GAK: variants seen among roughly 807,000 people sequenced by gnomAD.
The protein encoded by GAK is cyclin G associated kinase.
A neutral mutation model predicts 143.9 loss-of-function variants in GAK; 79 were observed. That is an observed-to-expected ratio of 0.55 (90% CI 0.46 to 0.66). GAK has a LOEUF of 0.66. Among genes scored for constraint, GAK ranks in the 30% least tolerant of loss-of-function variants. The pLI is 0.00. For missense variants in GAK, 1,693 were observed against 1,779.7 expected (o/e 0.95, Z 0.88); for synonymous variants, 881 against 765.5 (o/e 1.15, Z -2.49).
intron 4 of GAK, among the ~76,000 whole-genome samples, chr4:910,919 C>T (rs1258464445): frequency 6.6e-6 from 1 of 152,172 alleles, no homozygotes; most frequent in African/African-American, 2.4e-5. Flanking sequence ...AGGCACAGGT[C>T]TTGTTTCCCC....
At chr4:912,554 G>T (rs1722230224) in intron 3 of GAK, 181 bp downstream of exon 3, 1 of 531,962 alleles carries the variant, frequency 1.9e-6, no homozygotes, top group Non-Finnish European at 3.4e-6. Flanking sequence ...AAAAAAAACA[G>T]AAAAAACTGC....
At chr4:858,203 C>T (rs1577049761) in intron 24 of GAK, among the ~76,000 whole-genome samples, 1 of 152,372 alleles carries the variant, frequency 6.6e-6, no homozygotes, top group Non-Finnish European at 1.5e-5. Flanking sequence ...TACATCCTTG[C>T]AGCCTTCAGT....
At chr4:851,721 T>A in intron 25 of GAK, 29 bp downstream of exon 25, 4 of 1,602,076 alleles carry the variant, frequency 2.5e-6, no homozygotes, top group Non-Finnish European at 3.4e-6. Context: ...CTCTGCAAAC[T>A]CCACAGCAAC....
chr4:870,005 C>T (rs985603999), intron 19 of GAK: 230 of 142,566 alleles, frequency 1.6e-3, no homozygotes, highest in African/African-American at 5.4e-3. Flanking sequence ...TACACACGAA[C>T]GCACACACAG....
intron 14 of GAK, 59 bp from the exon 15 acceptor site, chr4:882,099 G>T: frequency 1.3e-6 from 2 of 1,520,488 alleles, no homozygotes; most frequent in East Asian, 2.5e-5. Context: ...AAGGGCTCGC[G>T]GGGTCCTCGG....
In GAK at chr4:898,043, A is replaced by G; in HGVS notation, c.641T>C (p.Val214Ala). The G allele has an allele frequency of 6.2e-7, 1 of 1,613,128 alleles. No individual in the cohort carries two copies. The highest frequency in any genetic ancestry group is 8.5e-7 in the Non-Finnish European group (1 of 1,179,620). ...YSWSAQRRAL[V>A]EEEITRNTTP... is the part of the protein sequence containing the mutation. ...CCCCACTCAGCTCACCTCTTCCTCC[A>G]CCAGGGCTCGCCTCTGGGCGCTCCA... Residue 214 changes from valine to alanine, a missense_variant, in exon 6 of 28, where the codon GTG (valine) becomes GCG (alanine). Physicochemically the swap from Val to Ala is moderately conservative, Grantham distance 64. Around this residue, in one of 2 missense-constraint regions of GAK, gnomAD observed 871 missense variants for 991.0 expected, o/e 0.88. Coordinates refer to ENST00000314167, the MANE Select transcript of GAK (RefSeq NM_005255.4).
chr4:884,200 G>T, intron 11 of GAK, 114 bp from the exon 12 acceptor site: 1 of 855,560 alleles, frequency 1.2e-6, no homozygotes, highest in Non-Finnish European at 1.9e-6. Flanking sequence ...CACTGTAGAG[G>T]CCGCATCCCA....
chr4:894,357 C>T (rs75713448), intron 7 of GAK: 7,894 of 178,774 alleles, frequency 0.044, 187 homozygotes, highest in South Asian at 0.07. Flanking sequence ...GCAGGGGTGA[C>T]GTCGGAGCCG....
At chr4:894,203 G>C in intron 7 of GAK, 194 bp from the exon 8 acceptor site, 1 of 616,754 alleles carries the variant, frequency 1.6e-6, no homozygotes, top group Non-Finnish European at 2.6e-6. Flanking sequence ...GGAAATGCAG[G>C]GGTGACACCG....
At chr4:890,880 C>CA (rs1717504849) in intron 9 of GAK, among the ~76,000 whole-genome samples, 1 of 152,142 alleles carries the variant, frequency 6.6e-6, no homozygotes, top group East Asian at 1.9e-4. Context: ...CCCAGCTTTT[C>CA]AGACTCTTGG....
chr4:867,359 T>C lies in GAK; in HGVS notation c.2469A>G (p.Arg823=). 6.2e-7 allele frequency: 1 copy of C among 1,600,666 alleles called. No individual in the cohort carries two copies. The highest frequency in any genetic ancestry group is 8.5e-7 in the Non-Finnish European group (1 of 1,171,144). ...KESESALMED[R]DESEVSDEGG... The stretch of plus-strand genomic sequence containing the variant: ...CTTCATCTGACACCTCACTCTCGTC[T>C]CTGTCCTCCATCAGGGCAGACTCGC... The change falls in exon 21 of 28, where the codon AGA becomes AGG. Residue 823 remains arginine (R), a synonymous_variant. Transcript: ENST00000314167.
Position 882,755 on chromosome 4 carries a change from C to T in GAK, c.1469G>A (p.Arg490Lys), listed in dbSNP as rs755596858. The change falls in exon 14 of 28, where the codon AGG becomes AAG. Residue 490 changes from arginine (R) to lysine (K), a missense_variant. This residue lies in a region of GAK where 871 missense variants were observed against 991.0 expected (regional missense o/e 0.88). Transcript: ENST00000314167. Reference sequence around the variant, plus strand: ...CTGCCGCAGCCAGGCGTGCATGTTCCTGCAGATGTTGTACAGGGTGTGCAG... The same window carrying T: ...CTGCCGCAGCCAGGCGTGCATGTTCTTGCAGATGTTGTACAGGGTGTGCAG... ...PHLHTLYNIC[R>K]NMHAWLRQDH... 6 of 1,612,412 alleles carry T rather than the reference C, an allele frequency of 3.7e-6. No homozygotes were observed. The highest frequency in any genetic ancestry group is 5.1e-6 in the Non-Finnish European group (6 of 1,179,982).
Position 882,844 on chromosome 4 carries a change from C to A in GAK, c.1405-25G>T, listed in dbSNP as rs377097763. 2.5e-6 allele frequency: 4 copies of A among 1,601,860 alleles called. No individual in the cohort carries two copies. The African/African-American group carries it at 5.3e-5, about 21-fold the overall frequency. ...CCTGTGGGGACAGGGCACGGTGGCA[C>A]GGACGGCAGAGGAGCCCCGCCCCAG... On this transcript the variant is annotated intron_variant, in intron 13 of 27. Coordinates refer to ENST00000314167, the MANE Select transcript of GAK (RefSeq NM_005255.4).
rs148956927 is a variant in GAK, at chr4:894,340, G to A, written c.742-331C>T. 8.4e-3 allele frequency: 1,898 copies of A among 225,714 alleles called. 11 individuals are homozygous for A. The highest frequency in any genetic ancestry group is 0.012 in the Non-Finnish European group (1,397 of 114,546). 14.0% of individuals were successfully genotyped at this position (225,714 alleles called of 1,614,324 possible). ...GTGCAGGGGTGACACCCAGGCCTGC[G>A]GGGAATGCAGGGGTGACGTCGGAGC... is the stretch of plus-strand genomic sequence containing the variant. On this transcript the variant is annotated intron_variant, in intron 7 of 27. Transcript: ENST00000314167.
chr4:868,446 G>C (rs1469800148), intron 20 of GAK, 93 bp downstream of exon 20: 6 of 1,364,586 alleles, frequency 4.4e-6, no homozygotes, highest in East Asian at 2.5e-5. Context: ...TCTGCCGGAG[G>C]CCCGTCTCCC....
intron 14 of GAK, 144 bp downstream of exon 14, chr4:882,553 G>A (rs1474411592): frequency 5.5e-6 from 6 of 1,081,558 alleles, no homozygotes; most frequent in Non-Finnish European, 8.0e-6. Context: ...CAGACCCAAA[G>A]ACACCAAGCA....
At chr4:908,851 T>A (rs1721536100) in intron 4 of GAK, among the ~76,000 whole-genome samples, 1 of 152,186 alleles carries the variant, frequency 6.6e-6, no homozygotes, top group Admixed American at 6.5e-5. Context: ...AAATCCCATT[T>A]TTATAAGCAC....
At chr4:856,615 GTGCTCACACCTGCTCACCACAGC>G (rs1279486621) in intron 24 of GAK, among the ~76,000 whole-genome samples, 9 of 109,714 alleles carry the variant, frequency 8.2e-5, no homozygotes, top group South Asian at 3.0e-4. Context: ...CTCACCACAG[GTGCTCACACCTGCTCACCACAGC>G]TGCTCACACC....
intron 5 of GAK, among the ~76,000 whole-genome samples, chr4:901,364 G>T (rs1013724125): frequency 1.3e-5 from 2 of 150,950 alleles, no homozygotes; most frequent in African/African-American, 2.5e-5. Context: ...GAGAGCCACG[G>T]CCTTGGGCCT....
Sources: allele counts gnomAD v4.1 joint callset (sites outside exome capture counted in the v4.1 genomes callset), GRCh38; gene constraint gnomAD v4.1.1; regional missense constraint gnomAD v4.1.1; transcripts MANE v1.5; gene names NCBI Gene and HGNC (gene_info 2026-07-23, HGNC 2026-07-21).